The following WWOX variants were observed in gnomAD, a reference collection of about 807,000 sequenced individuals.
WWOX encodes the protein WW domain-containing oxidoreductase.
Under a neutral mutation model 46.2 loss-of-function variants are expected in WWOX, and 69 were observed. That is an observed-to-expected ratio of 1.49 (90% CI 1.23 to 1.82). The LOEUF (loss-of-function observed/expected upper bound fraction) is 1.82. Ranked by LOEUF, WWOX falls within the 40% of genes most tolerant of loss-of-function variation. The pLI is 0.00. For synonymous variants in WWOX, 359 were observed against 202.6 expected (o/e 1.77, Z -6.56); for missense variants, 919 against 542.6 (o/e 1.69, Z -6.89).
At chr16:78,150,389 G>C (rs2034361743) in intron 4 of WWOX, among the ~76,000 whole-genome samples, 1 of 152,066 alleles carries the variant, frequency 6.6e-6, no homozygotes, top group Non-Finnish European at 1.5e-5. Context: ...TTGTTGTTTT[G>C]AGATAGGGTC....
intron 8 of WWOX, among the ~76,000 whole-genome samples, chr16:79,113,592 G>T (rs1457148797): frequency 6.6e-6 from 1 of 152,228 alleles, no homozygotes; most frequent in African/African-American, 2.4e-5. Flanking sequence ...AGCAATCCCT[G>T]TCGCCAAAGA....
intron 5 of WWOX, among the ~76,000 whole-genome samples, chr16:78,173,913 C>G (rs950921796): frequency 2.0e-5 from 3 of 152,020 alleles, no homozygotes; most frequent in African/African-American, 4.8e-5. Context: ...TTTTAAGTAG[C>G]CTGTTTCTTG....
At chr16:78,631,540 CTTTT>C (rs35592764) in intron 8 of WWOX, among the ~76,000 whole-genome samples, 2 of 138,924 alleles carry the variant, frequency 1.4e-5, no homozygotes, top group African/African-American at 2.7e-5. Flanking sequence ...TTAAAATATT[CTTTT>C]TTTTTTTTTT....
At chr16:78,321,247 T>G (rs912904537) in intron 5 of WWOX, among the ~76,000 whole-genome samples, 2 of 150,578 alleles carry the variant, frequency 1.3e-5, no homozygotes, top group Non-Finnish European at 3.0e-5. Flanking sequence ...CTCTTTTGTT[T>G]AAGGCAACAC....
intron 5 of WWOX, chr16:78,241,053 C>T (rs1277925731): frequency 1.3e-5 from 2 of 152,400 alleles, no homozygotes; most frequent in Admixed American, 1.3e-4. Context: ...CTGATGCAGC[C>T]TCCTGTCACA....
intron 8 of WWOX, among the ~76,000 whole-genome samples, chr16:79,012,554 G>T (rs761210234): frequency 5.3e-5 from 8 of 152,124 alleles, no homozygotes; most frequent in Non-Finnish European, 1.0e-4. Context: ...TTTTTAATTT[G>T]ATATCATTGT....
At chr16:79,133,881 T>G (rs555923467) in intron 8 of WWOX, among the ~76,000 whole-genome samples, 8 of 152,296 alleles carry the variant, frequency 5.3e-5, no homozygotes, top group Admixed American at 2.0e-4. Context: ...TGCAAAATCT[T>G]GGAGGTAGAT....
At chr16:78,374,009 A>AC (rs2151923819) in intron 5 of WWOX, among the ~76,000 whole-genome samples, 1 of 151,770 alleles carries the variant, frequency 6.6e-6, no homozygotes, top group South Asian at 2.1e-4. Flanking sequence ...CTGGTCTTGA[A>AC]CTCCTGACCT....
At chr16:78,966,750 A>T (rs746668563) in intron 8 of WWOX, among the ~76,000 whole-genome samples, 3 of 152,206 alleles carry the variant, frequency 2.0e-5, no homozygotes, top group Non-Finnish European at 4.4e-5. Context: ...TGGTCTGCTG[A>T]TATCACTGAA....
chr16:78,256,149 CAAAAAAAAAAA>C (rs10557567), intron 5 of WWOX, among the ~76,000 whole-genome samples: 1 of 65,452 alleles, frequency 1.5e-5, no homozygotes, highest in Admixed American at 2.0e-4. Context: ...GACTCCATCT[CAAAAAAAAAAA>C]AAAAAAAAAA....
chr16:79,207,568 T>G (rs1745160752), intron 8 of WWOX, among the ~76,000 whole-genome samples: 1 of 152,254 alleles, frequency 6.6e-6, no homozygotes, highest in East Asian at 1.9e-4. Flanking sequence ...ACATCTACTC[T>G]CTCACAATCA....
chr16:78,727,983 T>C (rs541905371), intron 8 of WWOX, among the ~76,000 whole-genome samples: 1 of 151,484 alleles, frequency 6.6e-6, no homozygotes, highest in East Asian at 1.9e-4. Flanking sequence ...CTTTATTAAT[T>C]CGTTTATAAG....
chr16:78,623,472 G>C (rs2046236834), intron 8 of WWOX, among the ~76,000 whole-genome samples: 2 of 152,168 alleles, frequency 1.3e-5, no homozygotes, highest in South Asian at 4.1e-4. Flanking sequence ...CTGAGGTCAT[G>C]AGTTCGAGAC....
At chr16:78,176,049 C>G (rs1460645374) in intron 5 of WWOX, among the ~76,000 whole-genome samples, 1 of 152,164 alleles carries the variant, frequency 6.6e-6, no homozygotes, top group Non-Finnish European at 1.5e-5. Flanking sequence ...TCCTCTCTCC[C>G]CATGCTGCCC....
chr16:78,669,513 A>G (rs1047128406), intron 8 of WWOX, among the ~76,000 whole-genome samples: 1 of 152,216 alleles, frequency 6.6e-6, no homozygotes, highest in Non-Finnish European at 1.5e-5. Flanking sequence ...TGACTATCCT[A>G]CAATCCATAG....
At chr16:78,276,274 C>A (rs987880673) in intron 5 of WWOX, among the ~76,000 whole-genome samples, 1 of 152,178 alleles carries the variant, frequency 6.6e-6, no homozygotes, top group Non-Finnish European at 1.5e-5. Flanking sequence ...CTCAGTTTCC[C>A]TGTTTGTCAA....
intron 8 of WWOX, chr16:78,895,223 C>G (rs2044675607): frequency 6.6e-6 from 1 of 152,224 alleles, no homozygotes; most frequent in African/African-American, 2.4e-5. Context: ...ACCCAGTTAA[C>G]AGAAATAGAA....
intron 8 of WWOX, among the ~76,000 whole-genome samples, chr16:78,849,170 C>T (rs925540426): frequency 1.3e-5 from 2 of 152,090 alleles, no homozygotes; most frequent in African/African-American, 4.8e-5. Flanking sequence ...CACTGTTCTG[C>T]CCAAACATAC....
intron 8 of WWOX, among the ~76,000 whole-genome samples, chr16:78,989,522 C>G (rs2046843098): frequency 6.6e-6 from 1 of 152,092 alleles, no homozygotes; most frequent in Non-Finnish European, 1.5e-5. Context: ...GGTAGTGGGG[C>G]CAGCAGTGGA....
Sources: allele counts gnomAD v4.1 joint callset (sites outside exome capture counted in the v4.1 genomes callset), GRCh38; gene constraint gnomAD v4.1.1; transcripts MANE v1.5; gene names NCBI Gene and HGNC (gene_info 2026-07-23, HGNC 2026-07-21).